MTUS1: variants seen among roughly 807,000 people sequenced by gnomAD.
MTUS1 encodes the protein microtubule associated scaffold protein 1, also known as microtubule-associated tumor suppressor 1.
A neutral mutation model predicts 120.8 loss-of-function variants in MTUS1; 109 were observed. That is an observed-to-expected ratio of 0.90 (90% confidence interval 0.77 to 1.06). MTUS1 has a LOEUF of 1.06. MTUS1 is among the 50% of genes least tolerant of loss of function. The probability of loss-of-function intolerance (pLI) is 0.00; values close to 1 mark genes in which losing one functional copy is unlikely to be tolerated. For missense variants in MTUS1, 2,210 were observed against 1,486.3 expected (o/e 1.49, Z -8.01); for synonymous variants, 737 against 550.5 (o/e 1.34, Z -4.74).
At chr8:17,677,626 T>C (rs1390798591) in intron 7 of MTUS1, among the ~76,000 whole-genome samples, 1 of 152,312 alleles carries the variant, frequency 6.6e-6, no homozygotes, top group Admixed American at 6.5e-5. Flanking sequence ...TCACCAAGCA[T>C]GTCGACATTT....
chr8:17,768,114 T>C (rs1267276020), intron 1 of MTUS1, among the ~76,000 whole-genome samples: 1 of 152,204 alleles, frequency 6.6e-6, no homozygotes, highest in African/African-American at 2.4e-5. Flanking sequence ...TCACTTACAT[T>C]AATATTTAAA....
chr8:17,680,685 ACTCT>A (rs1175490586), intron 7 of MTUS1, among the ~76,000 whole-genome samples: 2 of 151,788 alleles, frequency 1.3e-5, no homozygotes, highest in East Asian at 1.9e-4. Context: ...CGTTGGATCA[ACTCT>A]CTCTATAACT....
At chr8:17,718,850 C>G (rs1449101253) in intron 4 of MTUS1, among the ~76,000 whole-genome samples, 4 of 151,506 alleles carry the variant, frequency 2.6e-5, no homozygotes, top group African/African-American at 9.7e-5. Context: ...AAAGCCCAAG[C>G]AGAAGACATG....
chr8:17,656,676 T>A (rs1399507824), intron 8 of MTUS1, among the ~76,000 whole-genome samples: 1 of 151,536 alleles, frequency 6.6e-6, no homozygotes, highest in Non-Finnish European at 1.5e-5. Context: ...GAAAAGAGCC[T>A]TGGCCAGGCA....
At chr8:17,733,440 C>G (rs1425660679) in intron 3 of MTUS1, among the ~76,000 whole-genome samples, 1 of 151,608 alleles carries the variant, frequency 6.6e-6, no homozygotes, top group Non-Finnish European at 1.5e-5. Context: ...GAAAAGGTAC[C>G]AAATAGTCAT....
At chr8:17,724,635 C>A (rs1563272634) in intron 3 of MTUS1, among the ~76,000 whole-genome samples, 1 of 152,150 alleles carries the variant, frequency 6.6e-6, no homozygotes, top group Non-Finnish European at 1.5e-5. Flanking sequence ...GCTGCGTATC[C>A]TCTGGCATCT....
At chr8:17,726,856 G>T (rs1485323481) in intron 3 of MTUS1, among the ~76,000 whole-genome samples, 1 of 152,188 alleles carries the variant, frequency 6.6e-6, no homozygotes, top group Admixed American at 6.5e-5. Context: ...AGATCAAAAT[G>T]ACTGGGCCAC....
chr8:17,721,223 C>T (rs2045816302), intron 4 of MTUS1, among the ~76,000 whole-genome samples: 1 of 152,076 alleles, frequency 6.6e-6, no homozygotes, highest in South Asian at 2.1e-4. Flanking sequence ...ACATGACCAC[C>T]CATTATCAGA....
intron 3 of MTUS1, among the ~76,000 whole-genome samples, chr8:17,741,420 T>G (rs1158012089): frequency 6.6e-6 from 1 of 152,198 alleles, no homozygotes; most frequent in East Asian, 1.9e-4. Context: ...TTAACTTTGT[T>G]TCCATTCAGA....
intron 3 of MTUS1, among the ~76,000 whole-genome samples, chr8:17,724,487 G>A (rs1387849783): frequency 6.6e-6 from 1 of 150,732 alleles, no homozygotes; most frequent in African/African-American, 2.4e-5. Context: ...ATACTATTAA[G>A]ATTTTTTTTT....
intron 6 of MTUS1, among the ~76,000 whole-genome samples, chr8:17,705,123 A>G (rs548550088): frequency 2.0e-5 from 3 of 152,142 alleles, no homozygotes; most frequent in Admixed American, 6.5e-5. Context: ...CTGGGACTAC[A>G]AGTGTGCACA....
intron 3 of MTUS1, among the ~76,000 whole-genome samples, chr8:17,727,660 G>C (rs2046309919): frequency 6.6e-6 from 1 of 152,168 alleles, no homozygotes; most frequent in Non-Finnish European, 1.5e-5. Flanking sequence ...GGACTTCTCT[G>C]AGTTACAGTT....
intron 6 of MTUS1, among the ~76,000 whole-genome samples, chr8:17,700,032 TA>T (rs1233792756): frequency 6.6e-6 from 1 of 152,052 alleles, no homozygotes; most frequent in African/African-American, 2.4e-5. Context: ...GAGAAGTACC[TA>T]AAAAAAGCAT....
intron 4 of MTUS1, chr8:17,722,144 T>C (rs1196413201): frequency 8.5e-7 from 1 of 1,176,948 alleles, no homozygotes. Context: ...GGGTGTATGG[T>C]AAACCCCTTT....
chr8:17,728,675 G>A (rs973914797), intron 3 of MTUS1, among the ~76,000 whole-genome samples: 6 of 152,124 alleles, frequency 3.9e-5, no homozygotes, highest in Admixed American at 2.6e-4. Flanking sequence ...AGAAAATAAG[G>A]CTGGAGAGGC....
At chr8:17,693,724 G>A (rs1397171454) in intron 6 of MTUS1, among the ~76,000 whole-genome samples, 1 of 152,156 alleles carries the variant, frequency 6.6e-6, no homozygotes, top group Non-Finnish European at 1.5e-5. Context: ...GCTGAGAGCT[G>A]CTTGGGCACA....
intron 6 of MTUS1, among the ~76,000 whole-genome samples, chr8:17,694,538 G>A (rs11203900): frequency 0.59 from 89,793 of 151,510 alleles, 27,317 homozygotes; most frequent in Middle Eastern, 0.73. Flanking sequence ...TATGGTGGTG[G>A]GCACCTGTAA....
At chr8:17,720,707 T>A (rs1425296591) in intron 4 of MTUS1, among the ~76,000 whole-genome samples, 1 of 152,250 alleles carries the variant, frequency 6.6e-6, no homozygotes, top group Non-Finnish European at 1.5e-5. Context: ...TCAACTCTGT[T>A]CATGACATAC....
At chr8:17,768,494 CAAAG>C (rs1451444665) in intron 1 of MTUS1, among the ~76,000 whole-genome samples, 1 of 151,158 alleles carries the variant, frequency 6.6e-6, no homozygotes, top group African/African-American at 2.4e-5. Context: ...TCATATACAA[CAAAG>C]AAAGCTATGA....
Sources: gnomAD v4.1 joint callset for allele counts (sites outside exome capture counted in the v4.1 genomes callset) on GRCh38, gnomAD v4.1.1 for gene constraint, MANE v1.5 for transcripts, NCBI Gene and HGNC (gene_info 2026-07-23, HGNC 2026-07-21) for gene names.